The following DLGAP2 variants were observed in gnomAD, a reference collection of about 807,000 sequenced individuals.
DLGAP2 encodes the protein DLG associated protein 2, also known as disks large-associated protein 2.
DLGAP2 carries 26 observed loss-of-function variants against 100.3 expected under a neutral mutation model. That is an observed-to-expected ratio of 0.26 (90% CI 0.19 to 0.36). The LOEUF (loss-of-function observed/expected upper bound fraction) is 0.36. Ranked by LOEUF, DLGAP2 falls within the 10% of genes least tolerant of loss-of-function variation. DLGAP2 has a pLI of 1.00. For missense variants in DLGAP2, 1,858 were observed against 1,453.2 expected, an observed-to-expected ratio of 1.28 and a Z score of -4.53; for synonymous variants, 886 against 630.1, an observed-to-expected ratio of 1.41 and a Z score of -6.08.
intron 2 of DLGAP2, among the ~76,000 whole-genome samples, chr8:1,072,562 T>C (rs1296912242): frequency 1.3e-5 from 2 of 152,032 alleles, no homozygotes; most frequent in Non-Finnish European, 2.9e-5. Context: ...GGCAGGGAGG[T>C]GCGGCCTGGC....
At chr8:1,207,483 T>A (rs7834881) in intron 2 of DLGAP2, among the ~76,000 whole-genome samples, 83,570 of 151,858 alleles carry the variant, frequency 0.55, 25,243 homozygotes, top group African/African-American at 0.81. Flanking sequence ...CATTAGTTGA[T>A]AGGCATTTGG....
rs551654633 is a variant in DLGAP2, at chr8:1,365,002, G to A, written c.106+106119G>A. Among the ~76,000 whole-genome samples the A allele has an allele frequency of 4.6e-5, 7 of 152,320 alleles. No individual in the cohort carries two copies. The Middle Eastern group carries it at 0.01, about 222-fold the overall frequency. ...GCCTGTGTTCACAGGGATGGGAACC[G>A]GGCCCTCAGAGACACGCACAGCTAG... On this transcript the variant is annotated intron_variant, in intron 3 of 14. Coordinates refer to ENST00000637795, the MANE Select transcript of DLGAP2 (RefSeq NM_001346810.2).
chr8:1,467,397 C>G (rs2130182992), intron 3 of DLGAP2, among the ~76,000 whole-genome samples: 1 of 150,462 alleles, frequency 6.6e-6, no homozygotes, highest in East Asian at 2.0e-4. Context: ...CTGCCTTCTA[C>G]CTCCTCAGGA....
intron 2 of DLGAP2, among the ~76,000 whole-genome samples, chr8:1,102,661 C>T (rs1430871187): frequency 6.6e-6 from 1 of 152,182 alleles, no homozygotes; most frequent in Non-Finnish European, 1.5e-5. Context: ...GCACTCGCCT[C>T]TGTGGCAAGG....
chr8:1,113,061 G>A (rs1376695711), intron 2 of DLGAP2, among the ~76,000 whole-genome samples: 1 of 152,130 alleles, frequency 6.6e-6, no homozygotes, highest in Non-Finnish European at 1.5e-5. Flanking sequence ...CCATTGGTCT[G>A]TGTGTCTGTT....
At chr8:956,153 T>G (rs1487434601) in intron 2 of DLGAP2, among the ~76,000 whole-genome samples, 1 of 152,228 alleles carries the variant, frequency 6.6e-6, no homozygotes, top group Non-Finnish European at 1.5e-5. Flanking sequence ...ATAATTTGTG[T>G]GTGCGTCTGG....
At chr8:1,595,432 G>A (rs1796421387) in intron 6 of DLGAP2, among the ~76,000 whole-genome samples, 1 of 151,876 alleles carries the variant, frequency 6.6e-6, no homozygotes, top group Non-Finnish European at 1.5e-5. Flanking sequence ...GGGAGGCCGA[G>A]GCGGGTGGAT....
At chr8:925,473 G>A (rs527436244) in intron 2 of DLGAP2, among the ~76,000 whole-genome samples, 2 of 152,244 alleles carry the variant, frequency 1.3e-5, no homozygotes, top group South Asian at 4.1e-4. Flanking sequence ...GACAGGGCTG[G>A]ATTTGTGGTG....
At chr8:787,623 G>A (rs905849575) in intron 1 of DLGAP2, among the ~76,000 whole-genome samples, 1 of 152,174 alleles carries the variant, frequency 6.6e-6, no homozygotes, top group African/African-American at 2.4e-5. Flanking sequence ...CCGGAGTCAG[G>A]TTCCACCAGC....
intron 2 of DLGAP2, among the ~76,000 whole-genome samples, chr8:1,074,932 G>T (rs918571778): frequency 2.0e-5 from 3 of 152,168 alleles, no homozygotes; most frequent in Admixed American, 6.5e-5. Context: ...CTTGCAGTTG[G>T]CAGGGGTGCA....
At chr8:1,335,019 A>G (rs1010218325) in intron 3 of DLGAP2, among the ~76,000 whole-genome samples, 8 of 152,194 alleles carry the variant, frequency 5.3e-5, no homozygotes, top group Admixed American at 3.9e-4. Context: ...ATAAGCATCT[A>G]AGTAAATCGT....
At chr8:1,330,817 T>TGGGAGCACCGCTTCACA (rs1801139364) in intron 3 of DLGAP2, among the ~76,000 whole-genome samples, 1 of 133,172 alleles carries the variant, frequency 7.5e-6, no homozygotes, top group African/African-American at 3.1e-5. Context: ...GAGTTCTGGG[T>TGGGAGCACCGCTTCACA]GGGACTGAGT....
At chr8:1,129,484 C>G (rs1305110221) in intron 2 of DLGAP2, among the ~76,000 whole-genome samples, 2 of 152,014 alleles carry the variant, frequency 1.3e-5, no homozygotes, top group South Asian at 2.1e-4. Flanking sequence ...GGAATTGAAG[C>G]AAGTCTTATC....
At chr8:761,598 C>T (rs1474938868) in intron 1 of DLGAP2, among the ~76,000 whole-genome samples, 1 of 152,206 alleles carries the variant, frequency 6.6e-6, no homozygotes, top group Admixed American at 6.5e-5. Flanking sequence ...GGCACTGGGT[C>T]CCCTCCATGC....
intron 2 of DLGAP2, among the ~76,000 whole-genome samples, chr8:1,242,927 G>C (rs932437123): frequency 1.3e-5 from 1 of 77,560 alleles, no homozygotes; most frequent in African/African-American, 4.7e-5. Context: ...CAGATAGACA[G>C]TGGATGGATT....
intron 2 of DLGAP2, among the ~76,000 whole-genome samples, chr8:1,136,009 T>C (rs970114527): frequency 9.2e-5 from 14 of 152,186 alleles, no homozygotes; most frequent in African/African-American, 3.4e-4. Flanking sequence ...AATCAAACTT[T>C]ATTCAAGTCA....
intron 2 of DLGAP2, among the ~76,000 whole-genome samples, chr8:1,090,290 C>A: frequency 7.1e-6 from 1 of 141,078 alleles, no homozygotes; most frequent in Non-Finnish European, 1.6e-5. Context: ...GCCCTCCTGG[C>A]CAGGCAGGGG....
At chr8:1,537,468 C>A (rs1584903216) in intron 4 of DLGAP2, among the ~76,000 whole-genome samples, 1 of 152,220 alleles carries the variant, frequency 6.6e-6, no homozygotes, top group Non-Finnish European at 1.5e-5. Context: ...CCTGCCACCA[C>A]CACCCTGCCC....
intron 3 of DLGAP2, among the ~76,000 whole-genome samples, chr8:1,319,380 G>T (rs538374779): frequency 2.6e-5 from 4 of 152,278 alleles, no homozygotes; most frequent in Non-Finnish European, 5.9e-5. Context: ...GAGAGGCCAC[G>T]TGTGGAAACC....
Sources: gnomAD v4.1 joint callset for allele counts (sites outside exome capture counted in the v4.1 genomes callset) on GRCh38, gnomAD v4.1.1 for gene constraint, MANE v1.5 for transcripts, NCBI Gene and HGNC (gene_info 2026-07-23, HGNC 2026-07-21) for gene names.